The following WDHD1 variants were observed in gnomAD, a reference collection of about 807,000 sequenced individuals.
The protein encoded by WDHD1 is WD repeat and HMG-box DNA binding protein 1, also known as WD repeat and HMG-box DNA-binding protein 1.
WDHD1 carries 111 observed loss-of-function variants against 135.4 expected under a neutral mutation model. That is an observed-to-expected ratio of 0.82 (90% CI 0.70 to 0.96). The LOEUF (loss-of-function observed/expected upper bound fraction) is 0.96. Among genes scored for constraint, WDHD1 ranks in the 40% least tolerant of loss-of-function variants. The probability of loss-of-function intolerance (pLI) is 0.00; values close to 1 mark genes in which losing one functional copy is unlikely to be tolerated. For missense variants in WDHD1, 1,351 were observed against 1,336.3 expected, an observed-to-expected ratio of 1.01 and a Z score of -0.17; for synonymous variants, 434 against 439.0, an observed-to-expected ratio of 0.99 and a Z score of 0.14.
At chr14:54,990,680 A>T (rs761080040) in intron 12 of WDHD1, among the ~76,000 whole-genome samples, 8 of 152,176 alleles carry the variant, frequency 5.3e-5, no homozygotes, top group African/African-American at 1.9e-4. Context: ...TTTAATGTGC[A>T]CTGTATCATA....
intron 16 of WDHD1, among the ~76,000 whole-genome samples, chr14:54,979,315 G>A (rs896921468): frequency 6.6e-6 from 1 of 151,914 alleles, no homozygotes; most frequent in Non-Finnish European, 1.5e-5. Flanking sequence ...TCATGCCTGG[G>A]TAATTAAAAA....
rs1234992672 is a variant in WDHD1, at chr14:54,939,016, T to G, written c.*2474A>C. On this transcript the variant is annotated 3_prime_UTR_variant, in exon 26 of 26. Transcript: ENST00000360586. ...ACTGAGGGATGAAGTATATGCATAT[T>G]CCAAATGGTTCAGGAAAAATCCTGT... 3 of 152,128 alleles carry G rather than the reference T, an allele frequency of 2.0e-5. No homozygotes were observed. Among genetic ancestry groups the G allele is most frequent in the African/African-American group, 7.2e-5 (3 of 41,428 alleles). The allele number at this position is 152,128 out of a possible 1,614,324, so 9.4% of individuals were successfully genotyped here.
chr14:54,968,331 A>G (rs2041377995), intron 16 of WDHD1, among the ~76,000 whole-genome samples: 1 of 152,186 alleles, frequency 6.6e-6, no homozygotes, highest in Non-Finnish European at 1.5e-5. Context: ...AACAGACACA[A>G]CATATCAAAA....
rs2042461190 is a variant in WDHD1, at chr14:55,027,045, C to T, written c.-34G>A. ...GGACTCACCCGGGTGACCGAGCCTC[C>T]GCCACTGAGGATCCACAAGAGCTGC... On this transcript the variant is annotated 5_prime_UTR_variant, in exon 1 of 26. Transcript: ENST00000360586. The T allele has an allele frequency of 2.1e-6, 1 of 481,638 alleles. No homozygotes were observed. The allele number at this position is 481,638 out of a possible 1,614,324, so 29.8% of individuals were successfully genotyped here.
intron 16 of WDHD1, among the ~76,000 whole-genome samples, chr14:54,968,783 G>A (rs897862831): frequency 5.9e-5 from 9 of 152,162 alleles, no homozygotes; most frequent in Non-Finnish European, 7.3e-5. Context: ...GCTCACACCT[G>A]TAATCCCAAT....
chr14:54,953,234 G>C (rs1409625534), intron 24 of WDHD1, among the ~76,000 whole-genome samples: 2 of 152,118 alleles, frequency 1.3e-5, no homozygotes, highest in African/African-American at 4.8e-5. Context: ...ATCTGACAAA[G>C]GGCTAATATC....
chr14:54,994,877 T>A (rs1566732664), intron 11 of WDHD1, among the ~76,000 whole-genome samples: 2 of 152,138 alleles, frequency 1.3e-5, no homozygotes, highest in Admixed American at 6.5e-5. Flanking sequence ...ATAGCACAAA[T>A]CTACAGATCT....
Position 54,995,657 on chromosome 14 carries a change from A to T in WDHD1, c.1099T>A (p.Ser367Thr). 1 of 1,613,380 alleles carries T rather than the reference A, an allele frequency of 6.2e-7. No individual in the cohort carries two copies. Among genetic ancestry groups the T allele is most frequent in the Non-Finnish European group, 8.5e-7 (1 of 1,179,712 alleles). The change falls in exon 11 of 26, where the codon TCA becomes ACA. Residue 367 changes from serine to threonine, a missense_variant. Around this residue, in one of 2 missense-constraint regions of WDHD1, gnomAD observed 1,330 missense variants for 1,296.1 expected, o/e 1.03. Transcript: ENST00000360586. ...TGACTTCGCTGTCTAGGACGACCTGAAGCCATCATGAGGTCTTCATCATCC... is the reference window on the plus strand; with the variant it reads ...TGACTTCGCTGTCTAGGACGACCTGTAGCCATCATGAGGTCTTCATCATCC... The part of the protein sequence containing the change: ...DEDDEDLMMA[S>T]GRPRQRSHIL...
chr14:54,967,257 G>A (rs1452902655), intron 17 of WDHD1, 23 bp downstream of exon 17: 7 of 1,560,612 alleles, frequency 4.5e-6, no homozygotes, highest in East Asian at 2.3e-5. Context: ...AATTCAAAGT[G>A]TCAAGGTAAG....
Position 54,979,554 on chromosome 14 carries a change from T to G in WDHD1, c.2063+1986A>C, listed in dbSNP as rs572937931. On this transcript the variant is annotated intron_variant, in intron 16 of 25. Coordinates refer to ENST00000360586, the MANE Select transcript of WDHD1 (RefSeq NM_007086.4). Reference sequence around the variant, plus strand: ...ATCTGGAATTTAACATTTTATCACTTTTATCAGAGTCACCGTTAACCTCCA... The same window carrying G: ...ATCTGGAATTTAACATTTTATCACTGTTATCAGAGTCACCGTTAACCTCCA... 4.6e-5 allele frequency among the ~76,000 whole-genome samples: 7 copies of G among 152,310 alleles called. 1 individual carries two copies. The South Asian group carries it at 1.5e-3, about 32-fold the overall frequency.
chr14:54,985,388 G>T (rs1243126787), intron 14 of WDHD1, among the ~76,000 whole-genome samples: 1 of 152,152 alleles, frequency 6.6e-6, no homozygotes, highest in African/African-American at 2.4e-5. Context: ...AGTGGATGGA[G>T]GGAACAGCTA....
At chr14:55,018,013 C>A (rs963300609) in intron 2 of WDHD1, among the ~76,000 whole-genome samples, 8 of 152,006 alleles carry the variant, frequency 5.3e-5, no homozygotes, top group African/African-American at 1.9e-4. Context: ...CAGCAGCGCA[C>A]AAACCGATGT....
chr14:54,953,745 A>G (rs946756369), intron 24 of WDHD1, among the ~76,000 whole-genome samples: 18 of 152,180 alleles, frequency 1.2e-4, no homozygotes, highest in African/African-American at 4.1e-4. Context: ...ATGATAGACT[A>G]GATTAAGAAA....
At chr14:54,948,675 A>C (rs2040978406) in intron 24 of WDHD1, among the ~76,000 whole-genome samples, 1 of 152,214 alleles carries the variant, frequency 6.6e-6, no homozygotes, top group Non-Finnish European at 1.5e-5. Flanking sequence ...ACAGAGTTTG[A>C]GATCTGAGAA....
At chr14:54,998,835 T>A (rs66820631) in intron 10 of WDHD1, among the ~76,000 whole-genome samples, 42,757 of 151,998 alleles carry the variant, frequency 0.28, 6,087 homozygotes, top group Non-Finnish European at 0.3. Flanking sequence ...ATTAAGATCA[T>A]GTAAATGCTA....
At chr14:54,948,356 T>A (rs1370331091) in intron 24 of WDHD1, among the ~76,000 whole-genome samples, 1 of 152,186 alleles carries the variant, frequency 6.6e-6, no homozygotes, top group East Asian at 1.9e-4. Flanking sequence ...CCCACCCTAA[T>A]ACTGTGCTTT....
intron 7 of WDHD1, among the ~76,000 whole-genome samples, chr14:55,003,335 C>A (rs1308880963): frequency 6.6e-6 from 1 of 151,730 alleles, no homozygotes; most frequent in African/African-American, 2.4e-5. Context: ...CATAATGAGA[C>A]CCTGTCTCTA....
intron 24 of WDHD1, among the ~76,000 whole-genome samples, chr14:54,945,953 T>C (rs1382063364): frequency 6.6e-6 from 1 of 152,184 alleles, no homozygotes; most frequent in Non-Finnish European, 1.5e-5. Flanking sequence ...TATTAAAAAA[T>C]TACTAGTATG....
chr14:55,018,749 T>A (rs1482320966), intron 2 of WDHD1, among the ~76,000 whole-genome samples: 1 of 152,210 alleles, frequency 6.6e-6, no homozygotes, highest in Non-Finnish European at 1.5e-5. Context: ...CTAACATTTT[T>A]CTCATTAAAA....
Sources: gnomAD v4.1 joint callset for allele counts (sites outside exome capture counted in the v4.1 genomes callset) on GRCh38, gnomAD v4.1.1 for gene constraint, gnomAD v4.1.1 regional missense constraint, MANE v1.5 for transcripts, NCBI Gene and HGNC (gene_info 2026-07-23, HGNC 2026-07-21) for gene names.